Variants in FCRL2 observed in about 807,000 individuals in gnomAD.
FCRL2 encodes Fc receptor-like protein 2.
A neutral mutation model predicts 59.8 loss-of-function variants in FCRL2; 48 were observed. The ratio of observed to expected loss-of-function variants is 0.80; its 90% CI spans 0.64 to 1.02. The LOEUF (loss-of-function observed/expected upper bound fraction) is 1.02. Ranked by LOEUF, FCRL2 falls within the 50% of genes least tolerant of loss-of-function variation. The probability of loss-of-function intolerance (pLI) is 0.00; values close to 1 mark genes in which losing one functional copy is unlikely to be tolerated. For missense variants in FCRL2, 658 were observed against 597.3 expected (o/e 1.10, Z -1.06); for synonymous variants, 251 against 229.5 (o/e 1.09, Z -0.85).
At chr1:157,752,158 G>A (rs1210033347) in intron 7 of FCRL2, among the ~76,000 whole-genome samples, 4 of 152,192 alleles carry the variant, frequency 2.6e-5, no homozygotes, top group Non-Finnish European at 5.9e-5. Flanking sequence ...AATTATATAG[G>A]AGTGATATGG....
intron 7 of FCRL2, among the ~76,000 whole-genome samples, chr1:157,756,951 T>C (rs935174585): frequency 1.3e-5 from 2 of 152,228 alleles, no homozygotes; most frequent in Non-Finnish European, 1.5e-5. Context: ...AAAAATCAAT[T>C]AAATTTTTTT....
intron 7 of FCRL2, among the ~76,000 whole-genome samples, chr1:157,756,178 T>C (rs1211278357): frequency 6.6e-6 from 1 of 152,198 alleles, no homozygotes; most frequent in Non-Finnish European, 1.5e-5. Flanking sequence ...TCCTTATATT[T>C]CTATGCTGTG....
chr1:157,770,229 C>A, intron 3 of FCRL2, 79 bp from the exon 4 acceptor site: 1 of 1,536,926 alleles, frequency 6.5e-7, no homozygotes, highest in Non-Finnish European at 8.8e-7. Flanking sequence ...AAGAAGCAAC[C>A]CCAGCAAACA....
chr1:157,748,586 G>A lies in FCRL2; in HGVS notation c.1426C>T (p.Gln476Ter), dbSNP rs1438079345. The part of the protein sequence containing the change: ...GSVDVDVVYS[Q>*]VWSMQQPESS... ...TCTGGCTGCTGCATGCTCCAGACCTGAGAATAAACCACATCCACATCTACA... is the reference window on the plus strand; with the variant it reads ...TCTGGCTGCTGCATGCTCCAGACCTAAGAATAAACCACATCCACATCTACA... Residue 476 changes from glutamine (Q) to a stop codon, truncating the protein, a stop_gained, in exon 10 of 12, where the codon CAG becomes TAG. Transcript: ENST00000361516. LOFTEE classifies it high-confidence loss of function. The A allele has an allele frequency of 6.2e-7, 1 of 1,613,788 alleles. No homozygotes were observed. The highest frequency in any genetic ancestry group is 8.5e-7 in the Non-Finnish European group (1 of 1,179,834).
chr1:157,751,922 A>G (rs11264808), intron 7 of FCRL2, among the ~76,000 whole-genome samples: 2,702 of 152,324 alleles, frequency 0.018, 71 homozygotes, highest in African/African-American at 0.061. Context: ...CAGCTTTTTC[A>G]GAGCCAGAGG....
chr1:157,765,116 AC>A (rs1288967834), intron 7 of FCRL2, among the ~76,000 whole-genome samples: 2 of 152,168 alleles, frequency 1.3e-5, no homozygotes, highest in African/African-American at 4.8e-5. Flanking sequence ...ATAATCAGAA[AC>A]GAAAAAGCAG....
At chr1:157,762,177 TTACC>T (rs1392503179) in intron 7 of FCRL2, among the ~76,000 whole-genome samples, 1 of 152,168 alleles carries the variant, frequency 6.6e-6, no homozygotes, top group Admixed American at 6.5e-5. Flanking sequence ...GAGGTTGGGC[TTACC>T]AATTCTGCCA....
rs1647699028 is a variant in FCRL2, at chr1:157,745,770, A to G, written c.*966T>C. On this transcript the variant is annotated 3_prime_UTR_variant, in exon 12 of 12. Coordinates refer to ENST00000361516, the MANE Select transcript of FCRL2 (RefSeq NM_030764.4). ...ACATTTTATTCTATATACTTACAAA[A>G]GTAATATCATAGTTTATTGCAAATA... 1 of 152,238 alleles carries G rather than the reference A, an allele frequency of 6.6e-6. No homozygotes were observed. Among genetic ancestry groups the G allele is most frequent in the Non-Finnish European group, 1.5e-5 (1 of 68,052 alleles). 9.4% of individuals were successfully genotyped at this position (152,238 alleles called of 1,614,324 possible). A position where few individuals can be genotyped will look rare whatever the true frequency, so the allele number is the denominator to read the frequency against.
chr1:157,769,292 C>G (rs960798084), intron 4 of FCRL2: 1 of 156,160 alleles, frequency 6.4e-6, no homozygotes, highest in Non-Finnish European at 1.4e-5. Context: ...CCAAGGCATA[C>G]AGTCAGTGAT....
chr1:157,749,601 A>C, intron 8 of FCRL2, 49 bp downstream of exon 8: 1 of 1,419,590 alleles, frequency 7.0e-7, no homozygotes, highest in Non-Finnish European at 9.9e-7. Flanking sequence ...TTTAAAACTG[A>C]ATGAAGGAGA....
At chr1:157,753,842 C>T (rs1648382770) in intron 7 of FCRL2, among the ~76,000 whole-genome samples, 1 of 152,118 alleles carries the variant, frequency 6.6e-6, no homozygotes, top group Non-Finnish European at 1.5e-5. Context: ...ACCAAAGACA[C>T]TCAACACTCA....
Position 157,754,150 on chromosome 1 carries a change from C to T in FCRL2, c.1280-4473G>A, listed in dbSNP as rs560694871. ...AAATGAGGCTGAAACCTACTGGGCC[C>T]CATTCCCAGACAGTTAGGCATTCTA... On this transcript the variant is annotated intron_variant, in intron 7 of 11. Transcript: ENST00000361516. 1.1e-4 allele frequency among the ~76,000 whole-genome samples: 16 copies of T among 152,156 alleles called. No homozygotes were observed. The South Asian group carries it at 3.3e-3, about 32-fold the overall frequency.
chr1:157,768,507 C>T lies in FCRL2; in HGVS notation c.790G>A (p.Ala264Thr), dbSNP rs768633398. The T allele has an allele frequency of 6.2e-7, 1 of 1,614,240 alleles. No individual in the cohort carries two copies. The highest frequency in any genetic ancestry group is 8.5e-7 in the Non-Finnish European group (1 of 1,180,044). The change falls in exon 5 of 12, where the codon GCT becomes ACT. Residue 264 changes from alanine (A) to threonine (T), a missense_variant. By Grantham distance (58) the Ala-to-Thr change is moderately conservative. Transcript: ENST00000361516. ...TTGCCGGCATCACTCTCTTTCACAG[C>T]TGGGATCTCCAGCTCTGCTGACAGG... ...RSLSAELEIP[A>T]VKESDAGKYY... is the part of the protein sequence containing the mutation.
In FCRL2 at chr1:157,770,489, C is replaced by A; in HGVS notation, c.230G>T (p.Ser77Ile). The A allele has an allele frequency of 6.2e-7, 1 of 1,614,104 alleles. No homozygotes were observed. Among genetic ancestry groups the A allele is most frequent in the Non-Finnish European group, 8.5e-7 (1 of 1,179,910 alleles). The change falls in exon 3 of 12, where the codon AGT becomes ATT. Residue 77 changes from serine to isoleucine, a missense_variant. Ser to Ile is a moderately radical substitution (Grantham distance 142). Coordinates refer to ENST00000361516, the MANE Select transcript of FCRL2 (RefSeq NM_030764.4). Reference sequence around the variant, plus strand: ...TTTGGTACTACAGAAATAGTTACCACTGTCACTTAAAACTGCACTTTGGAT... The same window carrying A: ...TTTGGTACTACAGAAATAGTTACCAATGTCACTTAAAACTGCACTTTGGAT... Reference protein sequence around the residue: ...FLIQSAVLSDSGNYFCSTKGQ... With the variant: ...FLIQSAVLSDIGNYFCSTKGQ...
At chr1:157,769,030 A>G (rs1649762730) in intron 4 of FCRL2, 1 of 198,212 alleles carries the variant, frequency 5.0e-6, no homozygotes, top group South Asian at 1.7e-4. Context: ...TGATATCTTC[A>G]GTCTTGCAGT....
intron 7 of FCRL2, 177 bp downstream of exon 7, chr1:157,766,678 A>T: frequency 1.1e-6 from 1 of 911,588 alleles, no homozygotes; most frequent in Non-Finnish European, 1.6e-6. Flanking sequence ...ATATTGTATA[A>T]TTAGCAGTAT....
chr1:157,767,386 T>C lies in FCRL2; in HGVS notation c.1007A>G (p.His336Arg). 6.2e-7 allele frequency: 1 copy of C among 1,614,156 alleles called. No individual in the cohort carries two copies. The highest frequency in any genetic ancestry group is 2.2e-5 in the East Asian group (1 of 44,870). The change falls in exon 6 of 12, where the codon CAT (histidine) becomes CGT (arginine). Residue 336 changes from histidine to arginine, a missense_variant. Coordinates refer to ENST00000361516, the MANE Select transcript of FCRL2 (RefSeq NM_030764.4). ...GSPPILYQFY[H>R]EDVTLGNSSA... is the part of the protein sequence containing the mutation. ...GCTGTTCCCAAGGGTGACATCCTCA[T>C]GATAAAATTGGTACAAGATTGGGGG...
chr1:157,772,458 T>C (rs984230262), intron 2 of FCRL2, among the ~76,000 whole-genome samples: 1 of 151,992 alleles, frequency 6.6e-6, no homozygotes, highest in African/African-American at 2.4e-5. Context: ...GACCAGCAAG[T>C]GGGAGCAGCA....
chr1:157,762,050 G>C (rs1048267058), intron 7 of FCRL2, among the ~76,000 whole-genome samples: 1 of 152,164 alleles, frequency 6.6e-6, no homozygotes, highest in Non-Finnish European at 1.5e-5. Context: ...ATGAGGATAA[G>C]CCCACCCAGC....
Sources: allele counts gnomAD v4.1 joint callset (sites outside exome capture counted in the v4.1 genomes callset), GRCh38; gene constraint gnomAD v4.1.1; transcripts MANE v1.5; gene names NCBI Gene and HGNC (gene_info 2026-07-23, HGNC 2026-07-21).